The following USP25 variants were observed in gnomAD, a reference collection of about 807,000 sequenced individuals.
The protein encoded by USP25 is ubiquitin carboxyl-terminal hydrolase 25.
Under a neutral mutation model 158.5 loss-of-function variants are expected in USP25, and 85 were observed. That is an observed-to-expected ratio of 0.54 (90% CI 0.45 to 0.64). The LOEUF is 0.64. Ranked by LOEUF, USP25 falls within the 30% of genes least tolerant of loss-of-function variation. USP25 has a pLI of 0.00. For synonymous variants in USP25, 464 were observed against 460.4 expected (o/e 1.01, Z -0.10); for missense variants, 1,242 against 1,327.3 (o/e 0.94, Z 1.00).
intron 6 of USP25, among the ~76,000 whole-genome samples, chr21:15,803,140 GC>G (rs960835632): frequency 5.9e-5 from 9 of 151,638 alleles, no homozygotes; most frequent in African/African-American, 2.2e-4. Context: ...AAAAAATTCA[GC>G]AGCTAAATAG....
At chr21:15,827,496 CTCCATT>C (rs1421477769) in intron 14 of USP25, among the ~76,000 whole-genome samples, 1 of 152,142 alleles carries the variant, frequency 6.6e-6, no homozygotes, top group Non-Finnish European at 1.5e-5. Context: ...TTCACAGTTA[CTCCATT>C]GGAGAAATGT....
At chr21:15,852,967 A>G (rs971704852) in intron 20 of USP25, among the ~76,000 whole-genome samples, 7 of 152,270 alleles carry the variant, frequency 4.6e-5, no homozygotes, top group African/African-American at 1.7e-4. Flanking sequence ...TCACCTTAAA[A>G]ATTTTTTCGT....
intron 1 of USP25, among the ~76,000 whole-genome samples, chr21:15,752,820 A>G (rs996441311): frequency 1.3e-5 from 2 of 152,208 alleles, no homozygotes; most frequent in Non-Finnish European, 2.9e-5. Context: ...TTATGTGCCC[A>G]TAGAGGTATA....
chr21:15,796,421 A>G (rs1806615442), intron 5 of USP25, among the ~76,000 whole-genome samples: 1 of 151,424 alleles, frequency 6.6e-6, no homozygotes, highest in Admixed American at 6.6e-5. Flanking sequence ...AATTTTGAGT[A>G]AAGAAGGATA....
chr21:15,730,974 C>CTTTTTT (rs1420306163), intron 1 of USP25, among the ~76,000 whole-genome samples: 13 of 60,334 alleles, frequency 2.2e-4, no homozygotes, highest in African/African-American at 8.5e-4. Flanking sequence ...TTCTTCTTTT[C>CTTTTTT]TGTTTTTTTT....
chr21:15,737,648 G>T (rs767086458), intron 1 of USP25, among the ~76,000 whole-genome samples: 18 of 151,760 alleles, frequency 1.2e-4, no homozygotes, highest in Non-Finnish European at 2.2e-4. Flanking sequence ...ATATCTAGAA[G>T]GTAGTCGTCT....
intron 4 of USP25, 23 bp downstream of exon 4, chr21:15,778,050 G>A: frequency 1.3e-6 from 2 of 1,573,296 alleles, no homozygotes; most frequent in Non-Finnish European, 8.6e-7. Flanking sequence ...TTTGTATAAA[G>A]CAGATATAAG....
intron 18 of USP25, among the ~76,000 whole-genome samples, chr21:15,844,261 C>T (rs1166167039): frequency 6.6e-6 from 1 of 152,022 alleles, no homozygotes; most frequent in African/African-American, 2.4e-5. Context: ...TTAAACTTAG[C>T]GTACACTAGA....
rs1349564430 is a variant in USP25 at position 15,833,443 on chromosome 21, G to A, written c.2089G>A (p.Glu697Lys). The change falls in exon 17 of 26, where the codon GAA (glutamate) becomes AAA (lysine). Residue 697 changes from glutamate (E) to lysine (K), a missense_variant. By Grantham distance (56) the Glu-to-Lys change is moderately conservative. Coordinates refer to ENST00000400183, the MANE Select transcript of USP25 (RefSeq NM_001283041.3). The part of the protein sequence containing the change: ...DFVEEDNQRF[E>K]KELEEWDAQL... ...TGTTGAGGAAGACAACCAACGATTTGAAAAAGAACTAGAAGAATGGGATGC... is the reference window on the plus strand; with the variant it reads ...TGTTGAGGAAGACAACCAACGATTTAAAAAAGAACTAGAAGAATGGGATGC... The A allele has an allele frequency of 6.2e-7, 1 of 1,614,026 alleles. No individual in the cohort carries two copies. Among genetic ancestry groups the A allele is most frequent in the South Asian group, 1.1e-5 (1 of 91,072 alleles).
intron 1 of USP25, among the ~76,000 whole-genome samples, chr21:15,736,928 C>A (rs1399186959): frequency 7.1e-6 from 1 of 140,244 alleles, no homozygotes; most frequent in Non-Finnish European, 1.6e-5. Flanking sequence ...TTTTTTTTTT[C>A]CAGATAAGTT....
chr21:15,817,774 G>A (rs1021220708), intron 9 of USP25, among the ~76,000 whole-genome samples: 1 of 150,588 alleles, frequency 6.6e-6, no homozygotes, highest in African/African-American at 2.4e-5. Context: ...AACGGTATGG[G>A]GGAAACCGCC....
chr21:15,877,333 G>T (rs1260969754), intron 24 of USP25: 1 of 152,384 alleles, frequency 6.6e-6, no homozygotes, highest in Non-Finnish European at 1.5e-5. Flanking sequence ...GAAGGGAAAA[G>T]TGAATTGATT....
intron 1 of USP25, among the ~76,000 whole-genome samples, chr21:15,757,758 G>C (rs944036711): frequency 6.6e-6 from 1 of 152,302 alleles, no homozygotes; most frequent in Middle Eastern, 3.4e-3. Flanking sequence ...CTGCTAACAT[G>C]CCATTGGTCA....
chr21:15,798,146 T>C (rs753336832), intron 5 of USP25, among the ~76,000 whole-genome samples: 16 of 151,330 alleles, frequency 1.1e-4, no homozygotes, highest in Non-Finnish European at 2.2e-4. Flanking sequence ...AACATGACTT[T>C]GCAGTTGCCA....
At chr21:15,781,309 C>T (rs2034950014) in intron 4 of USP25, among the ~76,000 whole-genome samples, 1 of 152,138 alleles carries the variant, frequency 6.6e-6, no homozygotes, top group African/African-American at 2.4e-5. Context: ...ACTCTGTATA[C>T]GATTGTGGAT....
intron 1 of USP25, among the ~76,000 whole-genome samples, chr21:15,761,087 C>T (rs2033694879): frequency 1.3e-5 from 2 of 152,154 alleles, no homozygotes; most frequent in Non-Finnish European, 2.9e-5. Flanking sequence ...AATTATTTTT[C>T]ACAGTGTCCT....
At chr21:15,815,487 G>A (rs780417233) in intron 9 of USP25, among the ~76,000 whole-genome samples, 9 of 152,186 alleles carry the variant, frequency 5.9e-5, no homozygotes, top group Non-Finnish European at 1.3e-4. Flanking sequence ...GCAGCCAGGA[G>A]GGAGGCTGTA....
In USP25 at chr21:15,866,845, A is replaced by G. The variant is rs537723218; in HGVS notation, c.2805+501A>G. ...CACACGAGAAAATAAGGCATAGAGC[A>G]GTGAAGTAACCTGCCTAAGGTTTTC... On this transcript the variant is annotated intron_variant, in intron 22 of 25. Transcript: ENST00000400183. Among the ~76,000 whole-genome samples the G allele has an allele frequency of 2.0e-5, 3 of 152,296 alleles. No homozygotes were observed. The East Asian group carries it at 5.8e-4, about 29-fold the overall frequency.
chr21:15,861,205 G>T (rs986558281), intron 20 of USP25, among the ~76,000 whole-genome samples: 2 of 152,064 alleles, frequency 1.3e-5, no homozygotes, highest in Non-Finnish European at 2.9e-5. Flanking sequence ...CACATATGGA[G>T]AACTTAAGAA....
Sources: gnomAD v4.1 joint callset for allele counts (sites outside exome capture counted in the v4.1 genomes callset) on GRCh38, gnomAD v4.1.1 for gene constraint, MANE v1.5 for transcripts, NCBI Gene and HGNC (gene_info 2026-07-23, HGNC 2026-07-21) for gene names.